UNC13B: variants seen among roughly 807,000 people sequenced by gnomAD.
UNC13B encodes protein unc-13 homolog B.
In UNC13B, 144 loss-of-function variants were observed where a neutral mutation model predicts 211.0. The ratio of observed to expected loss-of-function variants is 0.68; its 90% CI spans 0.60 to 0.78. The LOEUF (loss-of-function observed/expected upper bound fraction) is 0.78, where lower values mean the gene tolerates loss of function less well. UNC13B is among the 30% of genes least tolerant of loss of function. The pLI is 0.00. For missense variants in UNC13B, 1,777 were observed against 2,002.0 expected (o/e 0.89, Z 2.14); for synonymous variants, 709 against 725.8 (o/e 0.98, Z 0.37).
At position 35,259,804 on chromosome 9, in the gene UNC13B, G is replaced by T. The variant is rs1051735716; in HGVS notation, c.526+754G>T. Among the ~76,000 whole-genome samples, 5 of 144,482 alleles carry T rather than the reference G, an allele frequency of 3.5e-5. No individual in the cohort carries two copies. In the East Asian group the frequency reaches 6.2e-4, roughly 18 times the overall value. 94.8% of individuals were successfully genotyped at this position (144,482 alleles called of 152,430 possible). On this transcript the variant is annotated intron_variant, in intron 7 of 39. Coordinates refer to ENST00000635942, the MANE Select transcript of UNC13B (RefSeq NM_001371189.2). Reference sequence around the variant, plus strand: ...GTGTGTGTAGGGGGATGCGGGGGGGGGGGATTTTGATACTTTTGTGTTGCT... The same window carrying T: ...GTGTGTGTAGGGGGATGCGGGGGGGTGGGATTTTGATACTTTTGTGTTGCT...
At chr9:35,401,859 T>C in intron 37 of UNC13B, 1 of 1,253,648 alleles carries the variant, frequency 8.0e-7, no homozygotes, top group Admixed American at 2.0e-5. Context: ...TAGAGCTGCT[T>C]TGAATGGCTG....
In UNC13B at chr9:35,313,926, A is replaced by G. The variant is rs564590504; in HGVS notation, c.9351A>G (p.Pro3117=). The G allele has an allele frequency of 7.4e-6, 12 of 1,613,944 alleles. No homozygotes were observed. Among genetic ancestry groups the G allele is most frequent in the East Asian group, 2.2e-5 (1 of 44,872 alleles). Residue 3117 remains proline, a synonymous_variant, in exon 11 of 40, where the codon CCA becomes CCG. Coordinates refer to ENST00000635942, the MANE Select transcript of UNC13B (RefSeq NM_001371189.2). ...ESFPEENASS[P]FTQARAHWIR... ...TTCCTGAGGAGAATGCATCTTCACC[A>G]TTTACCCAAGCCAGAGCACATTGGA...
intron 1 of UNC13B, among the ~76,000 whole-genome samples, chr9:35,203,886 C>T (rs7849264): frequency 0.026 from 3,990 of 152,336 alleles, 176 homozygotes; most frequent in African/African-American, 0.089. Context: ...AAGTAAAGAG[C>T]AGCCAAGTGC....
rs1003017158 is a variant in UNC13B at position 35,380,442 on chromosome 9, T to C, written c.10206-28T>C. On this transcript the variant is annotated intron_variant, in intron 17 of 39. Transcript: ENST00000635942. The stretch of plus-strand genomic sequence containing the variant: ...GATTTGGCGCTACTGGGTCTGCCCC[T>C]AACAGAGCCTGCCTAATTCTCTCAC... The C allele has an allele frequency of 3.7e-6, 6 of 1,611,118 alleles. No homozygotes were observed. The East Asian group carries it at 8.9e-5, about 24-fold the overall frequency.
intron 7 of UNC13B, among the ~76,000 whole-genome samples, chr9:35,270,572 T>G (rs1316541164): frequency 2.6e-5 from 4 of 152,152 alleles, no homozygotes; most frequent in African/African-American, 7.2e-5. Flanking sequence ...ACAACAGTCT[T>G]TAAGATTCTT....
intron 6 of UNC13B, among the ~76,000 whole-genome samples, chr9:35,257,360 T>A (rs887717129): frequency 2.7e-3 from 8 of 2,974 alleles, no homozygotes; most frequent in East Asian, 0.036. Context: ...AATATTTATA[T>A]AAATATTTAT....
In UNC13B at chr9:35,378,338, C is replaced by T; in HGVS notation, c.10107C>T (p.Ser3369=). 6.2e-7 allele frequency: 1 copy of T among 1,614,126 alleles called. No individual in the cohort carries two copies. The highest frequency in any genetic ancestry group is 2.2e-5 in the East Asian group (1 of 44,876). The change falls in exon 17 of 40, where the codon TCC becomes TCT. Residue 3369 remains serine, a synonymous_variant. Transcript: ENST00000635942. Reference sequence around the variant, plus strand: ...TACAAGCCAAGGACAAAACAGGATCCAGTGACCCTTACGTGACTGTGCAAG... The same window carrying T: ...TACAAGCCAAGGACAAAACAGGATCTAGTGACCCTTACGTGACTGTGCAAG... The part of the protein sequence containing the change: ...QGLQAKDKTG[S]SDPYVTVQVS...
At chr9:35,165,149 C>T (rs1820965996) in intron 1 of UNC13B, among the ~76,000 whole-genome samples, 1 of 152,184 alleles carries the variant, frequency 6.6e-6, no homozygotes, top group African/African-American at 2.4e-5. Context: ...CACGATAGTA[C>T]ATGAAGACTG....
intron 24 of UNC13B, among the ~76,000 whole-genome samples, chr9:35,388,632 G>C (rs1835335193): frequency 1.3e-5 from 2 of 152,194 alleles, no homozygotes; most frequent in East Asian, 1.9e-4. Flanking sequence ...GGATTAGATA[G>C]GATAATGTGT....
At chr9:35,351,421 T>A (rs1398347889) in intron 11 of UNC13B, 2 of 1,230,390 alleles carry the variant, frequency 1.6e-6, no homozygotes, top group African/African-American at 3.1e-5. Flanking sequence ...AGAAACAAAC[T>A]GAAAAGAGCA....
At chr9:35,268,661 C>T (rs765646871) in intron 7 of UNC13B, among the ~76,000 whole-genome samples, 8 of 152,086 alleles carry the variant, frequency 5.3e-5, no homozygotes, top group East Asian at 1.9e-4. Context: ...ATTATTTCCT[C>T]GTAATTAGAT....
intron 6 of UNC13B, among the ~76,000 whole-genome samples, chr9:35,254,959 A>AATATATTATATTATATATTAATATATGT (rs1826750660): frequency 4.3e-5 from 5 of 117,510 alleles, no homozygotes; most frequent in South Asian, 2.2e-4. Flanking sequence ...TATATAATAT[A>AATATATTATATTATATATTAATATATGT]ATATATTATA....
intron 7 of UNC13B, among the ~76,000 whole-genome samples, chr9:35,263,527 T>C (rs57328080): frequency 6.6e-6 from 1 of 151,960 alleles, no homozygotes; most frequent in South Asian, 2.1e-4. Flanking sequence ...TCTGTCTCAT[T>C]GAAAAAGATC....
intron 21 of UNC13B, among the ~76,000 whole-genome samples, chr9:35,383,091 T>A (rs1341144944): frequency 6.6e-6 from 1 of 152,218 alleles, no homozygotes; most frequent in Non-Finnish European, 1.5e-5. Context: ...ATTACGATAG[T>A]CTTCCATATT....
intron 6 of UNC13B, among the ~76,000 whole-genome samples, chr9:35,253,016 T>G (rs1826605373): frequency 6.6e-6 from 1 of 152,228 alleles, no homozygotes; most frequent in Non-Finnish European, 1.5e-5. Flanking sequence ...TCTTTTATAT[T>G]TTTAGAATAA....
intron 7 of UNC13B, among the ~76,000 whole-genome samples, chr9:35,281,776 G>A (rs1255030689): frequency 6.6e-6 from 1 of 152,088 alleles, no homozygotes; most frequent in Non-Finnish European, 1.5e-5. Context: ...CCAGATCCTT[G>A]GCATAAATTG....
chr9:35,307,812 A>C lies in UNC13B; in HGVS notation c.8408A>C (p.Glu2803Ala). 1 of 399,040 alleles carries C rather than the reference A, an allele frequency of 2.5e-6. No homozygotes were observed. The highest frequency in any genetic ancestry group is 4.4e-6 in the Non-Finnish European group (1 of 226,070). 24.7% of individuals were successfully genotyped at this position (399,040 alleles called of 1,614,324 possible). A position where few individuals can be genotyped will look rare whatever the true frequency, so the allele number is the denominator to read the frequency against. Reference protein sequence around the residue: ...SPLPSGNRAAETGLMSSFKKL... With the variant: ...SPLPSGNRAAATGLMSSFKKL... ...CTCCCCTCTGGCAATAGAGCAGCAG[A>C]GACTGGTTTAATGTCCAGTTTTAAG... Residue 2803 changes from glutamate to alanine, a missense_variant, in exon 9 of 40, where the codon GAG becomes GCG. Transcript: ENST00000635942.
rs559851062 is a variant in UNC13B at position 35,259,356 on chromosome 9, C to T, written c.526+306C>T. Among the ~76,000 whole-genome samples the T allele has an allele frequency of 2.2e-3, 341 of 152,208 alleles. 1 individual carries two copies. The highest frequency in any genetic ancestry group is 7.4e-3 in the African/African-American group (309 of 41,542). ...TTACCTGTTATTATTCTTTAAGGCT[C>T]AGTTTAAATATCATCACTTCTGGGT... On this transcript the variant is annotated intron_variant, in intron 7 of 39. Transcript: ENST00000635942.
At chr9:35,321,833 C>T (rs1830753490) in intron 11 of UNC13B, among the ~76,000 whole-genome samples, 1 of 152,030 alleles carries the variant, frequency 6.6e-6, no homozygotes, top group Non-Finnish European at 1.5e-5. Context: ...AGACTTCTGT[C>T]AAACTTCTTA....
Sources: gnomAD v4.1 joint callset for allele counts (sites outside exome capture counted in the v4.1 genomes callset) on GRCh38, gnomAD v4.1.1 for gene constraint, MANE v1.5 for transcripts, NCBI Gene and HGNC (gene_info 2026-07-23, HGNC 2026-07-21) for gene names.